SH2B2: variants seen among roughly 807,000 people sequenced by gnomAD.
SH2B2 encodes the protein SH2B adapter protein 2.
A neutral mutation model predicts 35.7 loss-of-function variants in SH2B2; 37 were observed. The observed-to-expected ratio is 1.04, with a 90% CI of 0.80 to 1.36. SH2B2 has a LOEUF of 1.36. SH2B2 is among the 40% of genes most tolerant of loss of function. The probability of loss-of-function intolerance (pLI) is 0.00; values close to 1 mark genes in which losing one functional copy is unlikely to be tolerated. For synonymous variants in SH2B2, 383 were observed against 376.4 expected (o/e 1.02, Z -0.20); for missense variants, 852 against 817.7 (o/e 1.04, Z -0.51).
At chr7:102,321,239 T>G (rs1282750356) in intron 8 of SH2B2, 60 bp from the exon 9 acceptor site, 2 of 1,283,244 alleles carry the variant, frequency 1.6e-6, no homozygotes, top group African/African-American at 3.2e-5. Flanking sequence ...GATCCCGGCC[T>G]CCCTGCAGGA....
chr7:102,309,961 C>A (rs1361640653), intron 4 of SH2B2, among the ~76,000 whole-genome samples: 3 of 151,806 alleles, frequency 2.0e-5, no homozygotes, highest in Non-Finnish European at 4.4e-5. Flanking sequence ...TCTAGGATTG[C>A]ACCACTGCAC....
In SH2B2 at chr7:102,320,430, A is replaced by G; in HGVS notation, c.1495A>G (p.Ile499Val). 1 of 1,613,402 alleles carries G rather than the reference A, an allele frequency of 6.2e-7. No individual in the cohort carries two copies. The highest frequency in any genetic ancestry group is 8.5e-7 in the Non-Finnish European group (1 of 1,179,780). ...GCTCCGCCACTTCCACACACACCCC[A>G]TCCCACTGGAGTCAGGGGGCTCGGC... ...DMLRHFHTHP[I>V]PLESGGSADI... Residue 499 changes from isoleucine (I) to valine (V), a missense_variant, in exon 8 of 9, where the codon ATC (isoleucine) becomes GTC (valine). Coordinates refer to ENST00000444095, the MANE Select transcript of SH2B2 (RefSeq NM_001359228.2).
At chr7:102,307,426 G>T (rs1793447498) in intron 3 of SH2B2, among the ~76,000 whole-genome samples, 1 of 152,188 alleles carries the variant, frequency 6.6e-6, no homozygotes, top group Non-Finnish European at 1.5e-5. Flanking sequence ...CCCCGGGGAG[G>T]CCTGGTCCCA....
chr7:102,290,241 C>CTTT (rs35625519), intron 1 of SH2B2, among the ~76,000 whole-genome samples: 1 of 145,246 alleles, frequency 6.9e-6, no homozygotes. Context: ...CCATACCCCC[C>CTTT]TTTTTTTTTT....
intron 4 of SH2B2, among the ~76,000 whole-genome samples, chr7:102,311,802 C>T (rs968159721): frequency 2.2e-4 from 34 of 151,652 alleles, no homozygotes; most frequent in Admixed American, 2.6e-4. Flanking sequence ...GAGGGCTGGG[C>T]GTGGTGGTGC....
chr7:102,310,769 C>T (rs1212417181), intron 4 of SH2B2, among the ~76,000 whole-genome samples: 1 of 152,238 alleles, frequency 6.6e-6, no homozygotes, highest in African/African-American at 2.4e-5. Context: ...ATCTGCTCTG[C>T]AAACTCTTTC....
chr7:102,305,863 G>A (rs1421778244), intron 2 of SH2B2, among the ~76,000 whole-genome samples: 2 of 149,080 alleles, frequency 1.3e-5, no homozygotes, highest in African/African-American at 2.5e-5. Flanking sequence ...CTTGCAAGGT[G>A]ACTATAGGAG....
chr7:102,290,612 GAC>G (rs1221426877), intron 1 of SH2B2, among the ~76,000 whole-genome samples: 4 of 152,182 alleles, frequency 2.6e-5, no homozygotes, highest in Non-Finnish European at 5.9e-5. Context: ...CCTGGCGTCT[GAC>G]ACACAGTGGG....
chr7:102,300,854 G>T lies in SH2B2; in HGVS notation c.304G>T (p.Ala102Ser). 1.4e-6 allele frequency: 2 copies of T among 1,460,268 alleles called. No homozygotes were observed. Among genetic ancestry groups the T allele is most frequent in the Non-Finnish European group, 1.8e-6 (2 of 1,106,132 alleles). The allele number at this position is 1,460,268 out of a possible 1,614,324, so 90.5% of individuals were successfully genotyped here. A position where few individuals can be genotyped will look rare whatever the true frequency, so the allele number is the denominator to read the frequency against. The stretch of plus-strand genomic sequence containing the variant: ...CGCAGAGGCCATGGAGCCGGAGCTC[G>T]CGGACACCTCTGCACTCAAGGCGGC... ...VSAEAMEPELADTSALKAAPY... is the reference protein window; with the variant it reads ...VSAEAMEPELSDTSALKAAPY... Residue 102 changes from alanine (A) to serine (S), a missense_variant, in exon 2 of 9, where the codon GCG becomes TCG. Physicochemically the swap from Ala to Ser is moderately conservative, Grantham distance 99. This residue lies in a region of SH2B2 where 294 missense variants were observed against 286.6 expected (regional missense o/e 1.03). Transcript: ENST00000444095.
In SH2B2 at chr7:102,312,979, A is replaced by G. The variant is rs925188188; in HGVS notation, c.924-1357A>G. Among the ~76,000 whole-genome samples the G allele has an allele frequency of 2.6e-5, 4 of 151,572 alleles. No individual in the cohort carries two copies. In the East Asian group the frequency reaches 5.8e-4, roughly 22 times the overall value. ...ACCCCATCTCTACTAAAAATACAAAATCAGCCGGGCGTGGTGGTACATGCC... is the reference window on the plus strand; with the variant it reads ...ACCCCATCTCTACTAAAAATACAAAGTCAGCCGGGCGTGGTGGTACATGCC... On this transcript the variant is annotated intron_variant, in intron 4 of 8. Coordinates refer to ENST00000444095, the MANE Select transcript of SH2B2 (RefSeq NM_001359228.2).
At chr7:102,315,176 G>A (rs1245086096) in intron 6 of SH2B2, among the ~76,000 whole-genome samples, 1 of 149,528 alleles carries the variant, frequency 6.7e-6, no homozygotes, top group Non-Finnish European at 1.5e-5. Context: ...GCGACAGAGT[G>A]AGACTATGTC....
upstream of SH2B2, among the ~76,000 whole-genome samples, chr7:102,286,312 C>G (rs915204200): frequency 1.3e-5 from 2 of 152,148 alleles, no homozygotes; most frequent in South Asian, 2.1e-4. Flanking sequence ...TTTATGAGAA[C>G]CAGGCGTCGA....
In SH2B2 at chr7:102,321,316, C is replaced by CT; in HGVS notation, c.1585_1586insT (p.Pro529LeufsTer?). ...TGTTGCAGAGCCGGGCCCCACGCCCCCTGCCGCGCCCGCGTCCCCGGCCTG... is the reference window on the plus strand; with the variant it reads ...TGTTGCAGAGCCGGGCCCCACGCCCCTCTGCCGCGCCCGCGTCCCCGGCCTG... On this transcript the variant is annotated frameshift_variant, in exon 9 of 9. Transcript: ENST00000444095. LOFTEE classifies it low-confidence loss of function (END_TRUNC). 1 of 1,424,604 alleles carries CT rather than the reference C, an allele frequency of 7.0e-7. No individual in the cohort carries two copies. The allele number at this position is 1,424,604 out of a possible 1,614,324, so 88.2% of individuals were successfully genotyped here.
Position 102,300,554 on chromosome 7 carries a change from A to T in SH2B2, c.4A>T (p.Asn2Tyr), listed in dbSNP as rs1554553351. 2 of 1,544,924 alleles carry T rather than the reference A, an allele frequency of 1.3e-6. No homozygotes were observed. The highest frequency in any genetic ancestry group is 1.7e-6 in the Non-Finnish European group (2 of 1,145,852). M[N>Y]GAGPGPAAAA... ...TGGCTGCGATGGGACGGAAGCCATG[A>T]ATGGTGCCGGCCCTGGCCCCGCCGC... The change falls in exon 2 of 9, where the codon AAT becomes TAT. Residue 2 changes from asparagine to tyrosine, a missense_variant. By Grantham distance (143) the Asn-to-Tyr change is moderately radical. Coordinates refer to ENST00000444095, the MANE Select transcript of SH2B2 (RefSeq NM_001359228.2).
intron 7 of SH2B2, among the ~76,000 whole-genome samples, chr7:102,319,322 A>T (rs1219993016): frequency 3.9e-5 from 6 of 152,158 alleles, no homozygotes; most frequent in Non-Finnish European, 8.8e-5. Context: ...GAGTCCCTGC[A>T]TTGTCCTAGC....
chr7:102,290,748 G>T (rs571910396), intron 1 of SH2B2, among the ~76,000 whole-genome samples: 1 of 152,358 alleles, frequency 6.6e-6, no homozygotes, highest in East Asian at 1.9e-4. Flanking sequence ...GGGGAGAAGG[G>T]TTTTAACAGG....
chr7:102,311,633 T>A (rs114973728), intron 4 of SH2B2, among the ~76,000 whole-genome samples: 2,408 of 147,814 alleles, frequency 0.016, 67 homozygotes, highest in African/African-American at 0.056. Flanking sequence ...ATTCCTGGGT[T>A]CAAGAGACCC....
rs71123035 is a variant in SH2B2 at position 102,299,197 on chromosome 7, C to CTTTTTTTTTTTTTTTTTTTTTTTTTTTTT, written c.-29-1306_-29-1305insTTTTTTTTTTTTTTTTTTTTTTTTTTTTT. ...TACAGGCATGAGCCACCGCGCCTGG[C>CTTTTTTTTTTTTTTTTTTTTTTTTTTTTT]TTTTTTTTTTTTTTTTTTTGAGGTG... is the stretch of plus-strand genomic sequence containing the variant. On this transcript the variant is annotated intron_variant, in intron 1 of 8. Transcript: ENST00000444095. Among the ~76,000 whole-genome samples, 9 of 24,634 alleles carry CTTTTTTTTTTTTTTTTTTTTTTTTTTTTT rather than the reference C, an allele frequency of 3.7e-4. 3 individuals carry two copies. The highest frequency in any genetic ancestry group is 1.4e-3 in the African/African-American group (7 of 5,122). 16.2% of individuals were successfully genotyped at this position (24,634 alleles called of 152,430 possible). A position where few individuals can be genotyped will look rare whatever the true frequency, so the allele number is the denominator to read the frequency against.
intron 8 of SH2B2, among the ~76,000 whole-genome samples, chr7:102,320,981 A>C (rs547709918): frequency 2.2e-4 from 32 of 146,194 alleles, no homozygotes; most frequent in African/African-American, 7.8e-4. Context: ...GTGTGTGCGC[A>C]TATGCATGAG....
Sources: gnomAD v4.1 joint callset for allele counts (sites outside exome capture counted in the v4.1 genomes callset) on GRCh38, gnomAD v4.1.1 for gene constraint, gnomAD v4.1.1 regional missense constraint, MANE v1.5 for transcripts, NCBI Gene and HGNC (gene_info 2026-07-23, HGNC 2026-07-21) for gene names.